The following WNT3 variants were observed in gnomAD, a reference collection of about 807,000 sequenced individuals.
The protein encoded by WNT3 is Wnt family member 3, also known as proto-oncogene Wnt-3.
WNT3 carries 7 observed loss-of-function variants against 34.2 expected under a neutral mutation model. The observed-to-expected ratio is 0.20, with a 90% confidence interval of 0.12 to 0.38. WNT3 has a LOEUF of 0.38. Among genes scored for constraint, WNT3 ranks in the 10% least tolerant of loss-of-function variants. WNT3 has a pLI of 1.00. For missense variants in WNT3, 267 were observed against 499.8 expected, an observed-to-expected ratio of 0.53 and a Z score of 4.44; for synonymous variants, 212 against 211.5, an observed-to-expected ratio of 1.00 and a Z score of -0.02.
At chr17:46,766,130 C>T (rs371971393) in intron 4 of WNT3, among the ~76,000 whole-genome samples, 6 of 152,148 alleles carry the variant, frequency 3.9e-5, no homozygotes, top group Non-Finnish European at 5.9e-5. Flanking sequence ...TGATTCTGGC[C>T]GGGCGCGGTG....
At position 46,792,272 on chromosome 17, in the gene WNT3, G is replaced by A. The variant is rs114706730; in HGVS notation, c.81-18363C>T. On this transcript the variant is annotated intron_variant, in intron 1 of 4. Coordinates refer to ENST00000225512, the MANE Select transcript of WNT3 (RefSeq NM_030753.5). ...CCTCCAGAGGGGGGATGACGTCATG[G>A]AGCACCTTTTTGGGGACACTCAGGC... 2.3e-3 allele frequency among the ~76,000 whole-genome samples: 357 copies of A among 152,284 alleles called. 1 individual carries two copies. The highest frequency in any genetic ancestry group is 7.9e-3 in the African/African-American group (328 of 41,542).
chr17:46,788,745 A>G (rs562621901), intron 1 of WNT3, among the ~76,000 whole-genome samples: 1 of 147,212 alleles, frequency 6.8e-6, no homozygotes, highest in South Asian at 2.1e-4. Flanking sequence ...CCCTGCGAGG[A>G]CCTCCCTGCG....
Position 46,769,971 on chromosome 17 carries a change from C to A in WNT3, c.400G>T (p.Gly134Cys). ...TCACAGCCGCAAATGGTGGAGGTGC[C>A]CTCGGCGCAGGAGCGGGTGACGGCG... is the stretch of plus-strand genomic sequence containing the variant. The part of the protein sequence containing the change: ...AFAVTRSCAE[G>C]TSTICGCDSH... The change falls in exon 3 of 5, where the codon GGC becomes TGC. Residue 134 changes from glycine to cysteine, a missense_variant. Gly to Cys is a radical substitution (Grantham distance 159). This residue lies in a region of WNT3 where 181 missense variants were observed against 391.3 expected (regional missense o/e 0.46). Transcript: ENST00000225512. 6.2e-7 allele frequency: 1 copy of A among 1,611,868 alleles called. No individual in the cohort carries two copies. The highest frequency in any genetic ancestry group is 8.5e-7 in the Non-Finnish European group (1 of 1,179,370).
intron 1 of WNT3, among the ~76,000 whole-genome samples, chr17:46,816,035 C>A (rs2146473805): frequency 6.6e-6 from 1 of 152,206 alleles, no homozygotes; most frequent in Non-Finnish European, 1.5e-5. Flanking sequence ...CAGGTCATGG[C>A]CATGAGCACT....
intron 2 of WNT3, 45 bp downstream of exon 2, chr17:46,773,623 T>TGCCCCCCC: frequency 5.2e-5 from 20 of 383,492 alleles, no homozygotes; most frequent in Non-Finnish European, 1.0e-4. Flanking sequence ...TCCTGATCCC[T>TGCCCCCCC]CCCCCCACCC....
intron 1 of WNT3, among the ~76,000 whole-genome samples, chr17:46,808,865 C>T (rs1381951369): frequency 6.6e-6 from 1 of 152,114 alleles, no homozygotes; most frequent in Admixed American, 6.6e-5. Context: ...ATCTCCACTC[C>T]TGGGACAGCA....
chr17:46,767,942 C>A (rs2059328619), intron 4 of WNT3, among the ~76,000 whole-genome samples: 1 of 152,154 alleles, frequency 6.6e-6, no homozygotes, highest in Admixed American at 6.5e-5. Context: ...GCACCTGCCA[C>A]AACGCCCGGC....
At chr17:46,810,292 G>A (rs2084256895) in intron 1 of WNT3, among the ~76,000 whole-genome samples, 1 of 152,180 alleles carries the variant, frequency 6.6e-6, no homozygotes, top group South Asian at 2.1e-4. Context: ...ACAGGCGTAA[G>A]CCCCATGCCC....
chr17:46,765,341 C>T (rs1308767393), intron 4 of WNT3, among the ~76,000 whole-genome samples: 2 of 152,236 alleles, frequency 1.3e-5, no homozygotes, highest in Non-Finnish European at 2.9e-5. Flanking sequence ...AGCTCCAGCT[C>T]ACCATGTTCA....
chr17:46,818,420 G>T, intron 1 of WNT3, 98 bp downstream of exon 1: 1 of 1,236,438 alleles, frequency 8.1e-7, no homozygotes, highest in Non-Finnish European at 1.2e-6. Flanking sequence ...GAGGAGAGGA[G>T]CCCCAGCCCT....
rs1394819282 is a variant in WNT3, at chr17:46,768,802, G to A, written c.589-3C>T. 1 of 1,612,340 alleles carries A rather than the reference G, an allele frequency of 6.2e-7. No individual in the cohort carries two copies. Among genetic ancestry groups the A allele is most frequent in the Admixed American group, 1.7e-5 (1 of 59,982 alleles). On this transcript the variant is annotated splice_region_variant and splice_polypyrimidine_tract_variant and intron_variant, in intron 3 of 4. Coordinates refer to ENST00000225512, the MANE Select transcript of WNT3 (RefSeq NM_030753.5). This position sits in a 1 kb window ranked among gnomAD's most constrained non-coding sequence, Gnocchi z 5.0. ...AGGTGCATGTGGTCCAGGATAGTCT[G>A]GGGGAGAGAAGTGGCAGCTGGCCAA...
At chr17:46,778,846 G>C (rs2059433200) in intron 1 of WNT3, among the ~76,000 whole-genome samples, 1 of 152,002 alleles carries the variant, frequency 6.6e-6, no homozygotes, top group Non-Finnish European at 1.5e-5. Flanking sequence ...CTGATTCCTA[G>C]GTCACCACCA....
At chr17:46,799,049 A>AT (rs1239697901) in intron 1 of WNT3, among the ~76,000 whole-genome samples, 1 of 146,718 alleles carries the variant, frequency 6.8e-6, no homozygotes, top group African/African-American at 2.4e-5. Flanking sequence ...TCCGTCTCAA[A>AT]AAAAAAAAAA....
chr17:46,815,713 A>G (rs1249581835), intron 1 of WNT3, among the ~76,000 whole-genome samples: 1 of 152,186 alleles, frequency 6.6e-6, no homozygotes, highest in African/African-American at 2.4e-5. Flanking sequence ...TAGTGCCTGG[A>G]CAGACAGGAC....
intron 1 of WNT3, among the ~76,000 whole-genome samples, chr17:46,805,311 G>A (rs905346774): frequency 2.0e-5 from 3 of 152,104 alleles, no homozygotes; most frequent in Admixed American, 1.3e-4. Flanking sequence ...AGTGGCTCAC[G>A]CCTGTAATCC....
chr17:46,770,161 G>C, intron 2 of WNT3, 113 bp from the exon 3 acceptor site: 4 of 1,382,340 alleles, frequency 2.9e-6, no homozygotes, highest in Admixed American at 2.6e-5. Flanking sequence ...GAGTTGAAGA[G>C]CTCACCAGCC....
At position 46,785,057 on chromosome 17, in the gene WNT3, G is replaced by A. The variant is rs548501702; in HGVS notation, c.81-11148C>T. 7.8e-4 allele frequency among the ~76,000 whole-genome samples: 119 copies of A among 152,196 alleles called. 1 individual carries two copies. The South Asian group carries it at 9.6e-3, about 12-fold the overall frequency. ...CTCCCAAAGTGCTGGGATTACAGGC[G>A]TGAGCCACCGTGCCCGGCCTCCCCT... On this transcript the variant is annotated intron_variant, in intron 1 of 4. Coordinates refer to ENST00000225512, the MANE Select transcript of WNT3 (RefSeq NM_030753.5).
intron 1 of WNT3, among the ~76,000 whole-genome samples, chr17:46,817,885 G>A (rs945879832): frequency 1.3e-5 from 2 of 152,074 alleles, no homozygotes; most frequent in Admixed American, 6.6e-5. Context: ...AATAAAATCC[G>A]AATTCAATGG....
intron 1 of WNT3, among the ~76,000 whole-genome samples, chr17:46,787,722 G>T (rs1307035127): frequency 6.6e-6 from 1 of 152,246 alleles, no homozygotes; most frequent in African/African-American, 2.4e-5. Context: ...GGGAGGCCAA[G>T]GCAGGCAGAT....
Sources: allele counts gnomAD v4.1 joint callset (sites outside exome capture counted in the v4.1 genomes callset), GRCh38; gene constraint gnomAD v4.1.1; regional missense constraint gnomAD v4.1.1; non-coding constraint Gnocchi (gnomAD v3.1); transcripts MANE v1.5; gene names NCBI Gene and HGNC (gene_info 2026-07-23, HGNC 2026-07-21).